Variants in RAB40B observed in about 807,000 individuals in gnomAD.
RAB40B encodes the protein RAB40B, member RAS oncogene family, also known as ras-related protein Rab-40B.
RAB40B carries 21 observed loss-of-function variants against 24.0 expected under a neutral mutation model. The ratio of observed to expected loss-of-function variants is 0.88; its 90% CI spans 0.62 to 1.26. The LOEUF (loss-of-function observed/expected upper bound fraction) is 1.26. Ranked by LOEUF, RAB40B falls within the 50% of genes most tolerant of loss-of-function variation. The pLI is 0.00. For synonymous variants in RAB40B, 167 were observed against 169.8 expected (o/e 0.98, Z 0.13); for missense variants, 348 against 390.5 (o/e 0.89, Z 0.92).
At chr17:82,676,741 C>T (rs2046398526) in intron 1 of RAB40B, among the ~76,000 whole-genome samples, 1 of 152,096 alleles carries the variant, frequency 6.6e-6, no homozygotes, top group African/African-American at 2.4e-5. Context: ...GATTCTCCTG[C>T]CTCAGCCTCT....
intron 1 of RAB40B, among the ~76,000 whole-genome samples, chr17:82,693,530 T>C (rs1365030266): frequency 6.6e-6 from 1 of 152,192 alleles, no homozygotes; most frequent in Non-Finnish European, 1.5e-5. Flanking sequence ...GACATTTGCG[T>C]GCCTGATACC....
intron 1 of RAB40B, among the ~76,000 whole-genome samples, chr17:82,682,017 G>A (rs1420130763): frequency 6.6e-6 from 1 of 151,954 alleles, no homozygotes; most frequent in Non-Finnish European, 1.5e-5. Flanking sequence ...ATATCATTTT[G>A]GAAGTTATAA....
chr17:82,679,694 C>T (rs1190621886), intron 1 of RAB40B, among the ~76,000 whole-genome samples: 1 of 89,506 alleles, frequency 1.1e-5, no homozygotes, highest in Non-Finnish European at 2.4e-5. Flanking sequence ...CAACCCTGTG[C>T]GGCCACTGCT....
intron 4 of RAB40B, chr17:82,659,027 T>A: frequency 3.2e-6 from 1 of 317,324 alleles, no homozygotes; most frequent in East Asian, 6.1e-5. Context: ...CCAGGGTTGC[T>A]GGCACCGCCG....
Position 82,692,832 on chromosome 17 carries a change from G to A in RAB40B, c.142+5623C>T, listed in dbSNP as rs1245561411. ...TGTTCATCCAAAAATACCACTGAAGGAGTGGAAAGGTGACGTGCAGATGAG... is the reference window on the plus strand; with the variant it reads ...TGTTCATCCAAAAATACCACTGAAGAAGTGGAAAGGTGACGTGCAGATGAG... On this transcript the variant is annotated intron_variant, in intron 1 of 5. Transcript: ENST00000571995. This position sits in a 1 kb window ranked among gnomAD's most constrained non-coding sequence, Gnocchi z 4.0. 4.6e-5 allele frequency among the ~76,000 whole-genome samples: 7 copies of A among 152,110 alleles called. No homozygotes were observed.
chr17:82,694,589 T>C lies in RAB40B; in HGVS notation c.142+3866A>G, dbSNP rs550413185. ...CACACACACCTGGAAACTCAAAGAG[T>C]ACGTTCATACTAAAAGTTTAACACA... On this transcript the variant is annotated intron_variant, in intron 1 of 5. Transcript: ENST00000571995. Among the ~76,000 whole-genome samples, 4 of 149,676 alleles carry C rather than the reference T, an allele frequency of 2.7e-5. No individual in the cohort carries two copies. In the South Asian group the frequency reaches 8.4e-4, roughly 31 times the overall value.
In RAB40B at chr17:82,686,352, T is replaced by C. The variant is rs200128051; in HGVS notation, c.142+12103A>G. Among the ~76,000 whole-genome samples, 15 of 152,288 alleles carry C rather than the reference T, an allele frequency of 9.8e-5. No individual in the cohort carries two copies. In the East Asian group the frequency reaches 2.3e-3, roughly 24 times the overall value. On this transcript the variant is annotated intron_variant, in intron 1 of 5. Transcript: ENST00000571995. The stretch of plus-strand genomic sequence containing the variant: ...GTCTCGAACTCCTGACCTCAAGTGA[T>C]CCACCTGCCTCGGCCTCCCAAAGTG...
At position 82,659,583 on chromosome 17, in the gene RAB40B, A is replaced by T; in HGVS notation, c.339T>A (p.Asp113Glu). The change falls in exon 4 of 6, where the codon GAT (aspartate) becomes GAA (glutamate). Residue 113 changes from aspartate to glutamate, a missense_variant. Transcript: ENST00000571995. ...CAGTGGCATTTCTACAACATACCTC[A>T]TCGATCTCCTTAATCCATCGATCAA... Reference protein sequence around the residue: ...DGIDRWIKEIDEHAPGVPKIL... With the variant: ...DGIDRWIKEIEEHAPGVPKIL... 2 of 1,614,034 alleles carry T rather than the reference A, an allele frequency of 1.2e-6. No individual in the cohort carries two copies. Among genetic ancestry groups the T allele is most frequent in the Non-Finnish European group, 1.7e-6 (2 of 1,179,964 alleles).
intron 1 of RAB40B, among the ~76,000 whole-genome samples, chr17:82,686,666 C>A (rs531613421): frequency 1.3e-3 from 196 of 152,340 alleles, no homozygotes; most frequent in Middle Eastern, 3.4e-3. Flanking sequence ...GCCAAGGGAG[C>A]GTGGCCCAGG....
At position 82,692,186 on chromosome 17, in the gene RAB40B, C is replaced by T. The variant is rs1456882861; in HGVS notation, c.142+6269G>A. Among the ~76,000 whole-genome samples the T allele has an allele frequency of 4.9e-5, 4 of 81,876 alleles. No individual in the cohort carries two copies. The highest frequency in any genetic ancestry group is 2.0e-4 in the African/African-American group (4 of 19,624). The allele number at this position is 81,876 out of a possible 152,430, so 53.7% of individuals were successfully genotyped here. A position where few individuals can be genotyped will look rare whatever the true frequency, so the allele number is the denominator to read the frequency against. On this transcript the variant is annotated intron_variant, in intron 1 of 5. Coordinates refer to ENST00000571995, the MANE Select transcript of RAB40B (RefSeq NM_006822.3). This position sits in a 1 kb window ranked among gnomAD's most constrained non-coding sequence, Gnocchi z 4.0. ...GACAGGCAGAGCAGTGGGGCCCGCA[C>T]GGTCCGTGGGCTGAGGTGACAGGCA...
chr17:82,666,801 C>T (rs2046263384), intron 1 of RAB40B, among the ~76,000 whole-genome samples: 1 of 152,164 alleles, frequency 6.6e-6, no homozygotes, highest in Non-Finnish European at 1.5e-5. Flanking sequence ...AGTAACAAGA[C>T]ATGACCAGCC....
In RAB40B at chr17:82,680,364, C is replaced by T. The variant is rs8064541; in HGVS notation, c.143-15808G>A. 8.4e-3 allele frequency among the ~76,000 whole-genome samples: 1,286 copies of T among 152,264 alleles called. 15 individuals carry two copies. The highest frequency in any genetic ancestry group is 0.03 in the African/African-American group (1,235 of 41,560). The stretch of plus-strand genomic sequence containing the variant: ...GCCAAAGAGGGGTGTGGGCTCTGGG[C>T]GGGGCCGCTCGGGGGACGGGACGGC... On this transcript the variant is annotated intron_variant, in intron 1 of 5. Transcript: ENST00000571995.
At chr17:82,698,411 C>A (rs2046635233) in intron 1 of RAB40B, 44 bp downstream of exon 1, 6 of 1,224,210 alleles carry the variant, frequency 4.9e-6, no homozygotes, top group Middle Eastern at 3.3e-4. Flanking sequence ...CGCCCCTCCC[C>A]GGCCCCGCGC....
chr17:82,669,000 T>C (rs2046298724), intron 1 of RAB40B, among the ~76,000 whole-genome samples: 1 of 152,214 alleles, frequency 6.6e-6, no homozygotes, highest in African/African-American at 2.4e-5. Flanking sequence ...CTGCTGTGGT[T>C]TTCCCAGGTG....
chr17:82,661,507 G>A (rs966744929), intron 2 of RAB40B, among the ~76,000 whole-genome samples: 5 of 152,132 alleles, frequency 3.3e-5, no homozygotes, highest in South Asian at 2.1e-4. Flanking sequence ...ACTGCCTGGC[G>A]TGAGCTGCAG....
chr17:82,674,414 G>A (rs1338353594), intron 1 of RAB40B, among the ~76,000 whole-genome samples: 1 of 150,198 alleles, frequency 6.7e-6, no homozygotes, highest in Non-Finnish European at 1.5e-5. Context: ...GGCGGATCAT[G>A]AGGTCAGGAG....
At position 82,698,488 on chromosome 17, in the gene RAB40B, C is replaced by T. The variant is rs776305176; in HGVS notation, c.109G>A (p.Gly37Ser). ...KGEILASLQD[G>S]AAESPYGHPA... ...TGGCCGTACGGGGACTCGGCCGCGCCATCCTGCAGGCTCGCCAGGATCTCG... is the reference window on the plus strand; with the variant it reads ...TGGCCGTACGGGGACTCGGCCGCGCTATCCTGCAGGCTCGCCAGGATCTCG... Residue 37 changes from glycine to serine, a missense_variant, in exon 1 of 6, where the codon GGC becomes AGC. Gly to Ser is a moderately conservative substitution (Grantham distance 56, BLOSUM62 0). Coordinates refer to ENST00000571995, the MANE Select transcript of RAB40B (RefSeq NM_006822.3). 7.3e-6 allele frequency: 11 copies of T among 1,502,078 alleles called. No individual in the cohort carries two copies. Among genetic ancestry groups the T allele is most frequent in the Non-Finnish European group, 9.8e-6 (11 of 1,118,154 alleles). 93.0% of individuals were successfully genotyped at this position (1,502,078 alleles called of 1,614,324 possible).
At chr17:82,691,659 G>A (rs2046559030) in intron 1 of RAB40B, among the ~76,000 whole-genome samples, 1 of 152,158 alleles carries the variant, frequency 6.6e-6, no homozygotes, top group African/African-American at 2.4e-5. Context: ...TCCAGCCTGG[G>A]CGACAGAGCG....
chr17:82,681,020 CAAAAAAAAAAAAA>C (rs201799464), intron 1 of RAB40B, among the ~76,000 whole-genome samples: 42 of 93,948 alleles, frequency 4.5e-4, no homozygotes, highest in Admixed American at 2.7e-3. Flanking sequence ...GACTCCATCT[CAAAAAAAAAAAAA>C]AAAAAAAAAA....
Sources: allele counts gnomAD v4.1 joint callset (sites outside exome capture counted in the v4.1 genomes callset), GRCh38; gene constraint gnomAD v4.1.1; non-coding constraint Gnocchi (gnomAD v3.1); transcripts MANE v1.5; gene names NCBI Gene and HGNC (gene_info 2026-07-23, HGNC 2026-07-21).